Variants in PIAS4 observed in about 807,000 individuals in gnomAD.
PIAS4 encodes protein inhibitor of activated STAT 4.
In PIAS4, 7 loss-of-function variants were observed where a neutral mutation model predicts 58.0. The observed-to-expected ratio is 0.12, with a 90% confidence interval of 0.07 to 0.23. PIAS4 has a LOEUF of 0.23. Ranked by LOEUF, PIAS4 falls within the 10% of genes least tolerant of loss-of-function variation. The probability of loss-of-function intolerance (pLI) is 1.00; values close to 1 mark genes in which losing one functional copy is unlikely to be tolerated. For synonymous variants in PIAS4, 364 were observed against 312.4 expected, an observed-to-expected ratio of 1.17 and a Z score of -1.74; for missense variants, 550 against 709.5, an observed-to-expected ratio of 0.78 and a Z score of 2.55.
chr19:4,024,542 G>A (rs1455556626), intron 3 of PIAS4, among the ~76,000 whole-genome samples: 1 of 152,178 alleles, frequency 6.6e-6, no homozygotes, highest in Non-Finnish European at 1.5e-5. Flanking sequence ...AGACCTCCCT[G>A]GGTTAGGGGA....
chr19:4,033,189 G>T lies in PIAS4; in HGVS notation c.981+16G>T, dbSNP rs1568220417. 1 of 1,602,810 alleles carries T rather than the reference G, an allele frequency of 6.2e-7. No individual in the cohort carries two copies. The highest frequency in any genetic ancestry group is 1.7e-5 in the Admixed American group (1 of 59,914). On this transcript the variant is annotated intron_variant, in intron 8 of 10. Transcript: ENST00000262971. Reference sequence around the variant, plus strand: ...CATCTGTCCGGTGAGTCGGGGCGCGGTCCCCTCCTCGAGGCCTCTCCTGCG... The same window carrying T: ...CATCTGTCCGGTGAGTCGGGGCGCGTTCCCCTCCTCGAGGCCTCTCCTGCG...
intron 1 of PIAS4, among the ~76,000 whole-genome samples, chr19:4,009,411 G>C (rs62131480): frequency 0.15 from 23,398 of 152,114 alleles, 2,476 homozygotes; most frequent in African/African-American, 0.3. Context: ...AAGTGTCCTG[G>C]AGTCCTGAAA....
intron 9 of PIAS4, among the ~76,000 whole-genome samples, chr19:4,035,249 T>A (rs2040262525): frequency 5.3e-5 from 8 of 152,056 alleles, no homozygotes; most frequent in Admixed American, 5.2e-4. Context: ...ACGATGCCAC[T>A]GCGGGTGCCT....
At chr19:4,015,728 C>G (rs1015718870) in intron 2 of PIAS4, among the ~76,000 whole-genome samples, 1 of 152,198 alleles carries the variant, frequency 6.6e-6, no homozygotes, top group Non-Finnish European at 1.5e-5. Context: ...TCCGGAGGAC[C>G]CAGTTCCACC....
intron 3 of PIAS4, among the ~76,000 whole-genome samples, chr19:4,025,339 G>A (rs1383707864): frequency 1.3e-5 from 2 of 152,186 alleles, no homozygotes; most frequent in Middle Eastern, 3.2e-3. Flanking sequence ...GCTGCCCTGC[G>A]CTCTGCTCCT....
intron 7 of PIAS4, among the ~76,000 whole-genome samples, chr19:4,031,543 C>T (rs562460080): frequency 5.9e-5 from 9 of 152,328 alleles, no homozygotes; most frequent in African/African-American, 2.2e-4. Context: ...TCAACCGCCC[C>T]CGACCTTCCC....
At chr19:4,015,594 C>T (rs1396952707) in intron 2 of PIAS4, among the ~76,000 whole-genome samples, 2 of 152,186 alleles carry the variant, frequency 1.3e-5, no homozygotes, top group Non-Finnish European at 2.9e-5. Context: ...GGAGCATAGC[C>T]CCTGGCCCCG....
intron 3 of PIAS4, among the ~76,000 whole-genome samples, chr19:4,027,754 T>TG (rs958362003): frequency 1.8e-4 from 27 of 152,036 alleles, no homozygotes; most frequent in African/African-American, 6.3e-4. Context: ...TTCACCATGT[T>TG]GCGCAGGCTC....
intron 9 of PIAS4, among the ~76,000 whole-genome samples, chr19:4,034,401 C>T (rs957416062): frequency 6.6e-6 from 1 of 152,224 alleles, no homozygotes; most frequent in Non-Finnish European, 1.5e-5. Context: ...TTGTCCCCAT[C>T]CCAGGAGACA....
chr19:4,029,581 C>G (rs1370031632), intron 7 of PIAS4, among the ~76,000 whole-genome samples: 1 of 151,214 alleles, frequency 6.6e-6, no homozygotes, highest in Non-Finnish European at 1.5e-5. Context: ...GAGTCAGGGT[C>G]TCTGGGAGGT....
chr19:4,028,281 C>T, intron 4 of PIAS4, 94 bp downstream of exon 4: 1 of 1,058,362 alleles, frequency 9.4e-7, no homozygotes, highest in Admixed American at 2.0e-5. Context: ...TCTCAGTCTC[C>T]CCTGCTAACA....
chr19:4,020,427 G>C (rs994087321), intron 2 of PIAS4, among the ~76,000 whole-genome samples: 1 of 152,116 alleles, frequency 6.6e-6, no homozygotes, highest in Admixed American at 6.6e-5. Context: ...CTGTTCTAAA[G>C]GGCTTGCCTG....
In PIAS4 at chr19:4,015,341, C is replaced by T. The variant is rs528248306; in HGVS notation, c.454+1992C>T. Among the ~76,000 whole-genome samples, 388 of 152,214 alleles carry T rather than the reference C, an allele frequency of 2.5e-3. 3 individuals are homozygous for T. The highest frequency in any genetic ancestry group is 8.7e-3 in the African/African-American group (360 of 41,534). On this transcript the variant is annotated intron_variant, in intron 2 of 10. Transcript: ENST00000262971. ...TGCACGGGGACCAGTAGCTCCGTCC[C>T]ACAATACATCGCTGTGCCCTGAGCC...
chr19:4,020,013 T>C lies in PIAS4; in HGVS notation c.455-4023T>C, dbSNP rs577171247. 3.2e-3 allele frequency among the ~76,000 whole-genome samples: 480 copies of C among 151,760 alleles called. 3 individuals carry two copies. Among genetic ancestry groups the C allele is most frequent in the African/African-American group, 0.011 (442 of 41,394 alleles). ...CTCACTGCAAGCTCCGCCTCCCAGG[T>C]TCACGCCATTCTCCTGCCTCAGCCT... On this transcript the variant is annotated intron_variant, in intron 2 of 10. Transcript: ENST00000262971.
At chr19:4,015,979 G>A (rs2040049377) in intron 2 of PIAS4, among the ~76,000 whole-genome samples, 1 of 152,190 alleles carries the variant, frequency 6.6e-6, no homozygotes, top group Non-Finnish European at 1.5e-5. Context: ...GGTGCCGTGT[G>A]TGGGGACGGG....
At chr19:4,033,353 G>T (rs2040241797) in intron 8 of PIAS4, 67 bp from the exon 9 acceptor site, 5 of 1,457,536 alleles carry the variant, frequency 3.4e-6, no homozygotes, top group South Asian at 2.5e-5. Context: ...GGAGCTGGGG[G>T]TGAGGGGCAC....
At position 4,012,946 on chromosome 19, in the gene PIAS4, C is replaced by G. The variant is rs1264717541; in HGVS notation, c.51C>G (p.Val17=). ...EAKNMVMSFR[V]SDLQMLLGFV... ...AGAACATGGTGATGAGTTTTCGAGTCTCCGACCTTCAGATGCTCCTGGGTT... is the reference window on the plus strand; with the variant it reads ...AGAACATGGTGATGAGTTTTCGAGTGTCCGACCTTCAGATGCTCCTGGGTT... The change falls in exon 2 of 11, where the codon GTC becomes GTG. Residue 17 remains valine, a synonymous_variant. Transcript: ENST00000262971. The G allele has an allele frequency of 6.2e-7, 1 of 1,613,276 alleles. No homozygotes were observed. Among genetic ancestry groups the G allele is most frequent in the South Asian group, 1.1e-5 (1 of 91,060 alleles).
rs926244136 is a variant in PIAS4 at position 4,010,839 on chromosome 19, C to T, written c.28-2084C>T. 7.2e-5 allele frequency among the ~76,000 whole-genome samples: 11 copies of T among 152,342 alleles called. 1 individual carries two copies. Among genetic ancestry groups the T allele is most frequent in the Admixed American group, 5.2e-4 (8 of 15,304 alleles). ...CCGATTCTTTACAGTCACGGGGCCCCGCAGCCCTGATATGGGAAGAGGCTT... is the reference window on the plus strand; with the variant it reads ...CCGATTCTTTACAGTCACGGGGCCCTGCAGCCCTGATATGGGAAGAGGCTT... On this transcript the variant is annotated intron_variant, in intron 1 of 10. Transcript: ENST00000262971.
chr19:4,027,177 G>A (rs1014061749), intron 3 of PIAS4, among the ~76,000 whole-genome samples: 4 of 152,154 alleles, frequency 2.6e-5, no homozygotes, highest in East Asian at 3.9e-4. Flanking sequence ...TAGTAGAGAC[G>A]AGGTTTCACC....
Sources: gnomAD v4.1 joint callset for allele counts (sites outside exome capture counted in the v4.1 genomes callset) on GRCh38, gnomAD v4.1.1 for gene constraint, MANE v1.5 for transcripts, NCBI Gene and HGNC (gene_info 2026-07-23, HGNC 2026-07-21) for gene names.